Variants in SLC24A4 observed in about 807,000 individuals in gnomAD.
The protein encoded by SLC24A4 is sodium/potassium/calcium exchanger 4.
A neutral mutation model predicts 79.0 loss-of-function variants in SLC24A4; 53 were observed. That is an observed-to-expected ratio of 0.67 (90% CI 0.54 to 0.84). The LOEUF is 0.84. SLC24A4 is among the 40% of genes least tolerant of loss of function. The probability of loss-of-function intolerance (pLI) is 0.00; values close to 1 mark genes in which losing one functional copy is unlikely to be tolerated. For missense variants in SLC24A4, 731 were observed against 822.0 expected (o/e 0.89, Z 1.35); for synonymous variants, 323 against 323.8 (o/e 1.00, Z 0.03).
At chr14:92,358,863 T>C (rs1482504937) in intron 2 of SLC24A4, among the ~76,000 whole-genome samples, 6 of 152,042 alleles carry the variant, frequency 3.9e-5, no homozygotes, top group Admixed American at 3.9e-4. Flanking sequence ...TTTGTGTTTT[T>C]TTAGTAGAGA....
chr14:92,340,866 G>A (rs1046162130), intron 2 of SLC24A4, among the ~76,000 whole-genome samples: 2 of 152,166 alleles, frequency 1.3e-5, no homozygotes, highest in Non-Finnish European at 2.9e-5. Flanking sequence ...AGGCCCCAGA[G>A]CAGATGCATT....
chr14:92,406,525 T>C (rs1382650100), intron 2 of SLC24A4, among the ~76,000 whole-genome samples: 1 of 152,204 alleles, frequency 6.6e-6, no homozygotes, highest in African/African-American at 2.4e-5. Flanking sequence ...ATCCAGGCAT[T>C]TCCATACATC....
chr14:92,343,636 CTTTCTCTCTTTCCT>C (rs1566700023), intron 2 of SLC24A4, among the ~76,000 whole-genome samples: 25 of 142,690 alleles, frequency 1.8e-4, no homozygotes, highest in African/African-American at 6.5e-4. Flanking sequence ...TTCTTTCTTT[CTTTCTCTCTTTCCT>C]TCTTTCCTTC....
At chr14:92,434,294 T>G (rs1566763389) in intron 3 of SLC24A4, among the ~76,000 whole-genome samples, 1 of 152,198 alleles carries the variant, frequency 6.6e-6, no homozygotes, top group Non-Finnish European at 1.5e-5. Context: ...TGAGTGAATA[T>G]GGGTCAAGGG....
chr14:92,393,609 T>C (rs1357907267), intron 2 of SLC24A4, among the ~76,000 whole-genome samples: 1 of 146,624 alleles, frequency 6.8e-6, no homozygotes, highest in East Asian at 2.0e-4. Flanking sequence ...ATGGTGGTGA[T>C]CACAGCTCAC....
chr14:92,459,975 C>T (rs1013003514), intron 12 of SLC24A4, among the ~76,000 whole-genome samples: 2 of 152,024 alleles, frequency 1.3e-5, no homozygotes, highest in African/African-American at 4.8e-5. Flanking sequence ...ATGCAGCTAG[C>T]GTTTTCCAAA....
chr14:92,345,123 C>G (rs557343755), intron 2 of SLC24A4, among the ~76,000 whole-genome samples: 1 of 152,158 alleles, frequency 6.6e-6, no homozygotes, highest in Admixed American at 6.5e-5. Flanking sequence ...GGACAACCCC[C>G]GAGTTGCAGG....
intron 2 of SLC24A4, among the ~76,000 whole-genome samples, chr14:92,349,623 A>G (rs942885066): frequency 2.6e-5 from 4 of 152,216 alleles, no homozygotes; most frequent in African/African-American, 9.6e-5. Flanking sequence ...CTATAGTGCA[A>G]TATCACAACA....
chr14:92,361,859 G>C (rs1309777059), intron 2 of SLC24A4, among the ~76,000 whole-genome samples: 1 of 152,158 alleles, frequency 6.6e-6, no homozygotes, highest in Admixed American at 6.5e-5. Flanking sequence ...CATGTGTCCA[G>C]CTGGTGGTTG....
In SLC24A4 at chr14:92,483,680, C is replaced by G. The variant is rs141878940; in HGVS notation, c.1422+834C>G. The G allele has an allele frequency of 4.0e-6, 5 of 1,251,122 alleles. No homozygotes were observed. In the East Asian group the frequency reaches 2.2e-4, roughly 56 times the overall value. The allele number at this position is 1,251,122 out of a possible 1,614,324, so 77.5% of individuals were successfully genotyped here. A position where few individuals can be genotyped will look rare whatever the true frequency, so the allele number is the denominator to read the frequency against. Reference sequence around the variant, plus strand: ...CCACACAGGAGCCTCCTTCCCCACTCTCTGTATACCACCTAATGGGGTCCC... The same window carrying G: ...CCACACAGGAGCCTCCTTCCCCACTGTCTGTATACCACCTAATGGGGTCCC... On this transcript the variant is annotated intron_variant, in intron 13 of 16. Transcript: ENST00000532405.
chr14:92,446,059 C>T (rs1406874573), intron 8 of SLC24A4, among the ~76,000 whole-genome samples: 1 of 152,182 alleles, frequency 6.6e-6, no homozygotes, highest in Non-Finnish European at 1.5e-5. Context: ...TCACAAACTT[C>T]TGAGGAACAG....
At chr14:92,337,207 C>T (rs1314848356) in intron 2 of SLC24A4, among the ~76,000 whole-genome samples, 2 of 152,068 alleles carry the variant, frequency 1.3e-5, no homozygotes, top group South Asian at 4.2e-4. Context: ...ACAGTTGGGG[C>T]GGTCTCCCCA....
intron 12 of SLC24A4, among the ~76,000 whole-genome samples, chr14:92,467,715 C>G (rs1182878432): frequency 1.3e-5 from 2 of 152,160 alleles, no homozygotes. Flanking sequence ...AAAGGCCTGC[C>G]TAGGACCATG....
chr14:92,388,123 T>A (rs1437868236), intron 2 of SLC24A4, among the ~76,000 whole-genome samples: 4 of 152,190 alleles, frequency 2.6e-5, no homozygotes, highest in Non-Finnish European at 5.9e-5. Flanking sequence ...ACCTCCATAC[T>A]GTTTTTAAAC....
At chr14:92,466,614 A>G (rs1215393321) in intron 12 of SLC24A4, among the ~76,000 whole-genome samples, 1 of 152,246 alleles carries the variant, frequency 6.6e-6, no homozygotes, top group Non-Finnish European at 1.5e-5. Flanking sequence ...AGACTGGGAA[A>G]ACTTCAGTGC....
At chr14:92,461,244 G>A (rs1893792328) in intron 12 of SLC24A4, among the ~76,000 whole-genome samples, 1 of 152,226 alleles carries the variant, frequency 6.6e-6, no homozygotes, top group South Asian at 2.1e-4. Context: ...GTTCTTACCA[G>A]GACGCTGGCC....
chr14:92,457,981 C>T (rs901571179), intron 12 of SLC24A4, among the ~76,000 whole-genome samples: 6 of 152,230 alleles, frequency 3.9e-5, no homozygotes, highest in Non-Finnish European at 7.3e-5. Context: ...TTTCATGCTT[C>T]CGCATGAAGA....
chr14:92,410,018 A>G (rs536047573), intron 2 of SLC24A4, among the ~76,000 whole-genome samples: 7 of 152,188 alleles, frequency 4.6e-5, no homozygotes, highest in Non-Finnish European at 8.8e-5. Flanking sequence ...AAAGAAAGGA[A>G]CAGACACTGG....
intron 2 of SLC24A4, among the ~76,000 whole-genome samples, chr14:92,366,513 T>C (rs1887848368): frequency 6.6e-6 from 1 of 152,140 alleles, no homozygotes; most frequent in Non-Finnish European, 1.5e-5. Context: ...AAGATATTGA[T>C]TGGTGTCAGG....
Sources: gnomAD v4.1 joint callset for allele counts (sites outside exome capture counted in the v4.1 genomes callset) on GRCh38, gnomAD v4.1.1 for gene constraint, MANE v1.5 for transcripts, NCBI Gene and HGNC (gene_info 2026-07-23, HGNC 2026-07-21) for gene names.